Variants in UNC5D observed in about 807,000 individuals in gnomAD.
The protein encoded by UNC5D is netrin receptor UNC5D.
UNC5D carries 39 observed loss-of-function variants against 105.4 expected under a neutral mutation model. The ratio of observed to expected loss-of-function variants is 0.37; its 90% CI spans 0.29 to 0.48. The LOEUF is 0.48. Among genes scored for constraint, UNC5D ranks in the 20% least tolerant of loss-of-function variants. The probability of loss-of-function intolerance (pLI) is 0.98; values close to 1 mark genes in which losing one functional copy is unlikely to be tolerated. For synonymous variants in UNC5D, 452 were observed against 450.4 expected (o/e 1.00, Z -0.04); for missense variants, 991 against 1,202.4 (o/e 0.82, Z 2.60).
At chr8:35,668,019 T>TAA (rs1248243696) in intron 4 of UNC5D, among the ~76,000 whole-genome samples, 3 of 152,140 alleles carry the variant, frequency 2.0e-5, no homozygotes, top group Non-Finnish European at 4.4e-5. Context: ...TAAAAGTTGT[T>TAA]AAGATTGTTC....
chr8:35,506,388 T>C (rs1812305242), intron 1 of UNC5D, among the ~76,000 whole-genome samples: 1 of 152,228 alleles, frequency 6.6e-6, no homozygotes, highest in Non-Finnish European at 1.5e-5. Flanking sequence ...CTATTACTTG[T>C]ATGGCAAATG....
At chr8:35,601,232 A>G (rs1265502335) in intron 4 of UNC5D, among the ~76,000 whole-genome samples, 3 of 152,106 alleles carry the variant, frequency 2.0e-5, no homozygotes, top group African/African-American at 7.2e-5. Flanking sequence ...GTCAGGTAGC[A>G]TGATGCCTCC....
intron 4 of UNC5D, among the ~76,000 whole-genome samples, chr8:35,632,466 T>A (rs946363388): frequency 1.3e-5 from 2 of 152,196 alleles, no homozygotes; most frequent in Non-Finnish European, 2.9e-5. Context: ...GGAGCTTGAG[T>A]GTCATTTGAC....
At chr8:35,785,935 TC>T (rs1802722631) in intron 16 of UNC5D, among the ~76,000 whole-genome samples, 1 of 152,098 alleles carries the variant, frequency 6.6e-6, no homozygotes, top group Admixed American at 6.6e-5. Flanking sequence ...AGTTTTATTA[TC>T]CCCCTTATAA....
chr8:35,641,387 A>AG (rs1822726130), intron 4 of UNC5D, among the ~76,000 whole-genome samples: 2 of 139,336 alleles, frequency 1.4e-5, no homozygotes, highest in African/African-American at 5.5e-5. Context: ...AAAAAAAAAG[A>AG]AAAAAAAAAA....
chr8:35,462,193 C>A (rs1019788220), intron 1 of UNC5D, among the ~76,000 whole-genome samples: 4 of 152,220 alleles, frequency 2.6e-5, no homozygotes, highest in South Asian at 2.1e-4. Flanking sequence ...TTTACTAAAT[C>A]TAGCAAATTT....
chr8:35,775,738 C>G (rs939222900), intron 16 of UNC5D, among the ~76,000 whole-genome samples: 1 of 151,938 alleles, frequency 6.6e-6, no homozygotes, highest in Admixed American at 6.6e-5. Flanking sequence ...TAGATGTCTG[C>G]CAAGAAGGGA....
In UNC5D at chr8:35,715,434, A is replaced by G. The variant is rs537025723; in HGVS notation, c.1118-6776A>G. ...TATGTACCTGTTTATACTTCCTAGA[A>G]CATTTTCTAATCTTATATATGTATT... is the stretch of plus-strand genomic sequence containing the variant. On this transcript the variant is annotated intron_variant, in intron 8 of 16. Transcript: ENST00000404895. Among the ~76,000 whole-genome samples, 26 of 152,302 alleles carry G rather than the reference A, an allele frequency of 1.7e-4. 1 individual carries two copies. The East Asian group carries it at 4.6e-3, about 27-fold the overall frequency.
intron 1 of UNC5D, among the ~76,000 whole-genome samples, chr8:35,460,901 C>T (rs1367588840): frequency 1.3e-5 from 2 of 152,188 alleles, no homozygotes; most frequent in East Asian, 1.9e-4. Context: ...TTATGTTTTT[C>T]TAACTTCCTC....
At position 35,759,409 on chromosome 8, in the gene UNC5D, G is replaced by T; in HGVS notation, c.2253G>T (p.Gln751His). The change falls in exon 14 of 17, where the codon CAG becomes CAT. Residue 751 changes from glutamine (Q) to histidine (H), a missense_variant. Coordinates refer to ENST00000404895, the MANE Select transcript of UNC5D (RefSeq NM_080872.4). ...LHFKGNTFSL[Q>H]ISVLDIPPFL... ...TCAAAGGGAATACCTTTAGTCTTCA[G>T]ATTTCTGTCCTTGATATTCCCCCAT... 5 of 1,614,108 alleles carry T rather than the reference G, an allele frequency of 3.1e-6. No individual in the cohort carries two copies. The highest frequency in any genetic ancestry group is 4.2e-6 in the Non-Finnish European group (5 of 1,179,980).
chr8:35,435,114 A>G (rs1023507293), intron 1 of UNC5D, among the ~76,000 whole-genome samples: 3 of 152,038 alleles, frequency 2.0e-5, no homozygotes, highest in African/African-American at 4.8e-5. Context: ...TGGAGTTTTT[A>G]ATCTTTTTTG....
chr8:35,604,578 T>G (rs1381180808), intron 4 of UNC5D, among the ~76,000 whole-genome samples: 1 of 152,178 alleles, frequency 6.6e-6, no homozygotes, highest in East Asian at 1.9e-4. Flanking sequence ...TTCCTGAATT[T>G]GAATGTTGGC....
chr8:35,561,259 G>A (rs1435344305), intron 2 of UNC5D, among the ~76,000 whole-genome samples: 2 of 151,998 alleles, frequency 1.3e-5, no homozygotes, highest in African/African-American at 4.8e-5. Flanking sequence ...CAGACAACTC[G>A]GGTACCAACA....
intron 1 of UNC5D, among the ~76,000 whole-genome samples, chr8:35,515,344 CTAGTT>C (rs1309182301): frequency 6.6e-6 from 1 of 152,172 alleles, no homozygotes; most frequent in Non-Finnish European, 1.5e-5. Flanking sequence ...ATATTTCTCT[CTAGTT>C]TATTTAGGTA....
intron 3 of UNC5D, among the ~76,000 whole-genome samples, chr8:35,595,154 C>A (rs945536475): frequency 1.3e-5 from 2 of 152,278 alleles, no homozygotes; most frequent in Middle Eastern, 3.4e-3. Flanking sequence ...ATGCACTCTT[C>A]AGTTAATAGA....
At chr8:35,543,966 A>G (rs1292034233) in intron 1 of UNC5D, among the ~76,000 whole-genome samples, 3 of 152,338 alleles carry the variant, frequency 2.0e-5, no homozygotes, top group African/African-American at 7.2e-5. Context: ...TCAGACTTAT[A>G]AGAATCCATT....
chr8:35,302,686 T>C (rs1160183082), intron 1 of UNC5D, among the ~76,000 whole-genome samples: 1 of 152,154 alleles, frequency 6.6e-6, no homozygotes, highest in Non-Finnish European at 1.5e-5. Flanking sequence ...AGATCTTGTA[T>C]TGCAAAGTAT....
At chr8:35,409,877 A>C (rs1210990646) in intron 1 of UNC5D, among the ~76,000 whole-genome samples, 1 of 151,736 alleles carries the variant, frequency 6.6e-6, no homozygotes, top group African/African-American at 2.4e-5. Flanking sequence ...TTAAGTCAGC[A>C]GTCCATTTTG....
chr8:35,335,853 T>C (rs1356322137), intron 1 of UNC5D, among the ~76,000 whole-genome samples: 2 of 136,234 alleles, frequency 1.5e-5, no homozygotes, highest in Non-Finnish European at 3.1e-5. Context: ...AAGCTCCGCC[T>C]CCCGGGTTCA....
Sources: gnomAD v4.1 joint callset for allele counts (sites outside exome capture counted in the v4.1 genomes callset) on GRCh38, gnomAD v4.1.1 for gene constraint, MANE v1.5 for transcripts, NCBI Gene and HGNC (gene_info 2026-07-23, HGNC 2026-07-21) for gene names.